The following ATG3 variants were observed in gnomAD, a reference collection of about 807,000 sequenced individuals.
ATG3 encodes the protein autophagy related 3, also known as ubiquitin-like-conjugating enzyme ATG3.
In ATG3, 25 loss-of-function variants were observed where a neutral mutation model predicts 50.7. The ratio of observed to expected loss-of-function variants is 0.49; its 90% CI spans 0.36 to 0.69. The LOEUF is 0.69. Among genes scored for constraint, ATG3 ranks in the 30% least tolerant of loss-of-function variants. The pLI, the probability that ATG3 is intolerant of heterozygous loss-of-function variation, is 0.00. For missense variants in ATG3, 281 were observed against 376.0 expected (o/e 0.75, Z 2.09); for synonymous variants, 119 against 125.5 (o/e 0.95, Z 0.34).
At position 112,538,167 on chromosome 3, in the gene ATG3, ACT is replaced by A. The variant is rs1933125860; in HGVS notation, c.487_488del (p.Ser163TrpfsTer7). The A allele has an allele frequency of 1.3e-6, 2 of 1,583,438 alleles. No individual in the cohort carries two copies. The highest frequency in any genetic ancestry group is 8.6e-7 in the Non-Finnish European group (1 of 1,163,558). ...AAACCTCATCTGTTTCCAACAATCC[ACT>A]CTCTTCATATTCTGTTATAAAAAAA... Reference protein sequence around the residue: ...EAADMEEYEESGLLETDEATL... With the variant: ...EAADMEEYEEXGLLETDEATL... On this transcript the variant is annotated frameshift_variant, in exon 8 of 12. Transcript: ENST00000283290. LOFTEE classifies it high-confidence loss of function.
intron 5 of ATG3, among the ~76,000 whole-genome samples, chr3:112,547,479 T>G (rs1933399857): frequency 6.6e-6 from 1 of 152,234 alleles, no homozygotes; most frequent in African/African-American, 2.4e-5. Flanking sequence ...GAAAAATTTG[T>G]TTTTAGTATC....
At chr3:112,533,873 C>T (rs1003695852) in intron 11 of ATG3, 7 of 1,002,378 alleles carry the variant, frequency 7.0e-6, no homozygotes, top group Non-Finnish European at 8.3e-6. Context: ...TTTTAATTAA[C>T]GTATTTGTTT....
chr3:112,548,155 C>T (rs1380543622), intron 5 of ATG3, among the ~76,000 whole-genome samples: 2 of 152,096 alleles, frequency 1.3e-5, no homozygotes, highest in Non-Finnish European at 2.9e-5. Flanking sequence ...AGATGGAGAC[C>T]ATCATGACCA....
chr3:112,540,246 A>G (rs544046206), intron 7 of ATG3, among the ~76,000 whole-genome samples: 261 of 152,372 alleles, frequency 1.7e-3, no homozygotes, highest in Non-Finnish European at 3.0e-3. Flanking sequence ...TTCATGGGGA[A>G]TTGAAAGTAA....
At chr3:112,552,649 AT>A (rs1161759705) in intron 3 of ATG3, among the ~76,000 whole-genome samples, 196 of 144,316 alleles carry the variant, frequency 1.4e-3, no homozygotes, top group Middle Eastern at 7.2e-3. Flanking sequence ...CTGTTCAAAA[AT>A]TTTTTTTTTT....
chr3:112,532,683 T>A lies in ATG3; in HGVS notation c.*16A>T. ...AATCAGAACCAATAATTAGGATAGA[T>A]TTTATGCTCTCTTCATTACATTGTG... On this transcript the variant is annotated 3_prime_UTR_variant, in exon 12 of 12. Coordinates refer to ENST00000283290, the MANE Select transcript of ATG3 (RefSeq NM_022488.5). 2.0e-6 allele frequency: 3 copies of A among 1,536,016 alleles called. No homozygotes were observed. Among genetic ancestry groups the A allele is most frequent in the Non-Finnish European group, 1.8e-6 (2 of 1,134,394 alleles).
chr3:112,554,611 A>G (rs1300452369), intron 2 of ATG3, among the ~76,000 whole-genome samples: 2 of 152,248 alleles, frequency 1.3e-5, no homozygotes, highest in East Asian at 3.8e-4. Context: ...GTCTCTACAC[A>G]TGGACGCATG....
At chr3:112,537,307 T>C (rs1174356366) in intron 9 of ATG3, among the ~76,000 whole-genome samples, 1 of 152,200 alleles carries the variant, frequency 6.6e-6, no homozygotes, top group Admixed American at 6.5e-5. Context: ...CAATTATCCT[T>C]TAATTCAATT....
In ATG3 at chr3:112,561,803, G is replaced by C. The variant is rs1405577114; in HGVS notation, c.-275C>G. The C allele has an allele frequency of 1.3e-5, 6 of 455,744 alleles. No homozygotes were observed. The highest frequency in any genetic ancestry group is 8.9e-5 in the Admixed American group (2 of 22,356). 28.2% of individuals were successfully genotyped at this position (455,744 alleles called of 1,614,324 possible). ...CACCCAGCCGCGAGGGAGGGCAGCG[G>C]GGCCGAAGGGAGACCTGAGGTGAGA... On this transcript the variant is annotated 5_prime_UTR_variant, in exon 1 of 12. Transcript: ENST00000283290.
At chr3:112,560,146 G>A (rs1468738417) in intron 1 of ATG3, among the ~76,000 whole-genome samples, 1 of 152,138 alleles carries the variant, frequency 6.6e-6, no homozygotes, top group Non-Finnish European at 1.5e-5. Context: ...TTTCATTTGG[G>A]CAGTCTCTTG....
chr3:112,558,022 A>C (rs1394859108), intron 2 of ATG3: 6 of 180,518 alleles, frequency 3.3e-5, no homozygotes, highest in South Asian at 1.9e-4. Flanking sequence ...ATGAAAACTC[A>C]CATTTGATGT....
At chr3:112,532,811 T>C (rs778622339) in intron 11 of ATG3, 31 bp from the exon 12 acceptor site, 20 of 1,555,604 alleles carry the variant, frequency 1.3e-5, no homozygotes, top group Non-Finnish European at 1.6e-5. Flanking sequence ...AAAATAAGAT[T>C]TGTAAATAGT....
At chr3:112,557,270 G>A (rs961227487) in intron 2 of ATG3, among the ~76,000 whole-genome samples, 8 of 151,848 alleles carry the variant, frequency 5.3e-5, no homozygotes, top group Non-Finnish European at 8.8e-5. Flanking sequence ...CCTGTATTCC[G>A]CCTGCCTCTG....
At chr3:112,550,523 A>T (rs992182957) in intron 3 of ATG3, among the ~76,000 whole-genome samples, 12 of 152,240 alleles carry the variant, frequency 7.9e-5, no homozygotes, top group African/African-American at 2.7e-4. Flanking sequence ...AAAAAGGTAG[A>T]ATAATATAGA....
intron 4 of ATG3, among the ~76,000 whole-genome samples, chr3:112,549,671 T>G (rs1576723541): frequency 6.6e-6 from 1 of 151,732 alleles, no homozygotes; most frequent in Admixed American, 6.6e-5. Flanking sequence ...TAGCCGGGCG[T>G]GGTGGCAGGC....
intron 7 of ATG3, among the ~76,000 whole-genome samples, chr3:112,539,537 AC>A (rs1933168810): frequency 1.3e-5 from 2 of 151,978 alleles, no homozygotes; most frequent in South Asian, 2.1e-4. Flanking sequence ...ACTCATTCCC[AC>A]CCCAAGATTC....
chr3:112,543,808 A>G (rs1170232574), intron 6 of ATG3, among the ~76,000 whole-genome samples: 1 of 152,166 alleles, frequency 6.6e-6, no homozygotes, highest in Non-Finnish European at 1.5e-5. Context: ...TTACAATCTA[A>G]AAGCTGTTTT....
intron 9 of ATG3, 163 bp from the exon 10 acceptor site, chr3:112,536,765 T>C (rs1933063192): frequency 3.2e-6 from 2 of 621,164 alleles, no homozygotes; most frequent in Non-Finnish European, 5.0e-6. Flanking sequence ...ACTAAGAATA[T>C]AAAAAATTAG....
chr3:112,545,913 A>G (rs908893247), intron 5 of ATG3, among the ~76,000 whole-genome samples: 9 of 152,210 alleles, frequency 5.9e-5, no homozygotes, highest in African/African-American at 2.2e-4. Flanking sequence ...AAGTAAGTAG[A>G]CTGGATAAAG....
Sources: gnomAD v4.1 joint callset for allele counts (sites outside exome capture counted in the v4.1 genomes callset) on GRCh38, gnomAD v4.1.1 for gene constraint, MANE v1.5 for transcripts, NCBI Gene and HGNC (gene_info 2026-07-23, HGNC 2026-07-21) for gene names.